TNRC6C: variants seen among roughly 807,000 people sequenced by gnomAD.
TNRC6C encodes trinucleotide repeat-containing gene 6C protein.
TNRC6C carries 20 observed loss-of-function variants against 153.7 expected under a neutral mutation model. The observed-to-expected ratio is 0.13, with a 90% confidence interval of 0.09 to 0.19. The LOEUF (loss-of-function observed/expected upper bound fraction) is 0.19, where lower values mean the gene tolerates loss of function less well. Ranked by LOEUF, TNRC6C falls within the 10% of genes least tolerant of loss-of-function variation. The probability of loss-of-function intolerance (pLI) is 1.00; values close to 1 mark genes in which losing one functional copy is unlikely to be tolerated. For missense variants in TNRC6C, 1,987 were observed against 2,172.0 expected, an observed-to-expected ratio of 0.91 and a Z score of 1.69; for synonymous variants, 811 against 841.4, an observed-to-expected ratio of 0.96 and a Z score of 0.63.
intron 1 of TNRC6C, among the ~76,000 whole-genome samples, chr17:77,974,928 T>A (rs1258839181): frequency 2.0e-5 from 3 of 152,170 alleles, no homozygotes; most frequent in African/African-American, 7.2e-5. Flanking sequence ...CCTTTTGCCA[T>A]AGGTAAATGA....
intron 13 of TNRC6C, among the ~76,000 whole-genome samples, chr17:78,088,632 CT>C (rs572549529): frequency 9.3e-4 from 132 of 142,650 alleles, no homozygotes; most frequent in African/African-American, 1.7e-3. Context: ...TTTTCTCTCT[CT>C]TTTTTTTTTT....
At chr17:78,051,670 C>G (rs955340812) in intron 3 of TNRC6C, among the ~76,000 whole-genome samples, 2 of 152,036 alleles carry the variant, frequency 1.3e-5, no homozygotes. Flanking sequence ...ATATATTAAG[C>G]ACACTCAGTA....
chr17:78,104,857 A>G lies in TNRC6C; in HGVS notation c.*12A>G. Reference sequence around the variant, plus strand: ...GGGAGTCCCTGTAGGCTCTGCCATCATCAGCACCAGGAGAGCCGACCCCTC... The same window carrying G: ...GGGAGTCCCTGTAGGCTCTGCCATCGTCAGCACCAGGAGAGCCGACCCCTC... On this transcript the variant is annotated 3_prime_UTR_variant, in exon 20 of 20. Coordinates refer to ENST00000301624, the Ensembl canonical transcript of TNRC6C. The surrounding 1 kb of genome is among the most constrained non-coding windows in gnomAD (Gnocchi z 6.2). 7.1e-7 allele frequency: 1 copy of G among 1,408,150 alleles called. No homozygotes were observed. Among genetic ancestry groups the G allele is most frequent in the Non-Finnish European group, 9.2e-7 (1 of 1,084,394 alleles). The allele number at this position is 1,408,150 out of a possible 1,614,324, so 87.2% of individuals were successfully genotyped here.
In TNRC6C at chr17:77,999,094, T is replaced by C. The variant is rs76540317; in HGVS notation, c.-37-5076T>C. On this transcript the variant is annotated intron_variant, in intron 1 of 22. Transcript: ENST00000636222. ...ATCTCACAGCCTTTGTTCTGCTGTTTTGAGTCTGCCCCATAAATGCATAAC... is the reference window on the plus strand; with the variant it reads ...ATCTCACAGCCTTTGTTCTGCTGTTCTGAGTCTGCCCCATAAATGCATAAC... Among the ~76,000 whole-genome samples, 846 of 152,324 alleles carry C rather than the reference T, an allele frequency of 5.6e-3. 6 individuals carry two copies. The highest frequency in any genetic ancestry group is 0.019 in the African/African-American group (798 of 41,560).
At chr17:77,991,118 T>C (rs1254278527) in intron 1 of TNRC6C, among the ~76,000 whole-genome samples, 2 of 152,244 alleles carry the variant, frequency 1.3e-5, no homozygotes, top group South Asian at 2.1e-4. Context: ...CTCGTTATTC[T>C]GTACAAGTGT....
chr17:78,074,998 C>T (rs566357846), intron 7 of TNRC6C, 138 bp from the exon 10 acceptor site: 12 of 1,136,020 alleles, frequency 1.1e-5, no homozygotes, highest in African/African-American at 3.1e-5. Flanking sequence ...AAAGCAAGGG[C>T]TCTCTCTGCC....
chr17:78,088,279 A>G (rs900717606), intron 13 of TNRC6C, among the ~76,000 whole-genome samples: 3 of 152,212 alleles, frequency 2.0e-5, no homozygotes, highest in African/African-American at 7.2e-5. Context: ...GTGTCGAAGT[A>G]GGTAAGACCT....
chr17:78,091,695 T>A (rs763139045), intron 14 of TNRC6C, 88 bp downstream of exon 16: 14 of 1,260,186 alleles, frequency 1.1e-5, no homozygotes, highest in Non-Finnish European at 1.4e-5. Flanking sequence ...TTCTATACTT[T>A]TCTAAGAATT....
At chr17:77,997,650 CGTT>C (rs556092447) in intron 1 of TNRC6C, among the ~76,000 whole-genome samples, 145 of 151,948 alleles carry the variant, frequency 9.5e-4, no homozygotes, top group African/African-American at 3.1e-3. Flanking sequence ...CCATTTATAA[CGTT>C]GTTTTTTTTT....
At chr17:78,008,220 A>G (rs1270354331) in intron 1 of TNRC6C, among the ~76,000 whole-genome samples, 1 of 152,210 alleles carries the variant, frequency 6.6e-6, no homozygotes, top group African/African-American at 2.4e-5. Flanking sequence ...AACTTAATAT[A>G]ATATGTAGCA....
chr17:78,051,483 A>T (rs1417495569), intron 3 of TNRC6C, 35 bp downstream of exon 5: 8 of 727,686 alleles, frequency 1.1e-5, no homozygotes, highest in South Asian at 5.2e-5. Context: ...TTACAAGTAA[A>T]AAAAAAAAAA....
chr17:78,104,880 C>T lies in TNRC6C; in HGVS notation c.*35C>T, dbSNP rs1433320379. 3.6e-6 allele frequency: 5 copies of T among 1,386,172 alleles called. No homozygotes were observed. In the South Asian group the frequency reaches 6.6e-5, roughly 18 times the overall value. 85.9% of individuals were successfully genotyped at this position (1,386,172 alleles called of 1,614,324 possible). ...TCATCAGCACCAGGAGAGCCGACCC[C>T]TCCCGGGACCCCTCCCGGCTGGGCG... On this transcript the variant is annotated 3_prime_UTR_variant, in exon 20 of 20. Transcript: ENST00000301624. This position sits in a 1 kb window ranked among gnomAD's most constrained non-coding sequence, Gnocchi z 6.2.
At chr17:78,078,766 A>T (rs995052895) in intron 9 of TNRC6C, among the ~76,000 whole-genome samples, 1 of 151,892 alleles carries the variant, frequency 6.6e-6, no homozygotes, top group East Asian at 1.9e-4. Context: ...GGAGTTTGAG[A>T]CCAGCCAGGA....
At chr17:77,977,259 T>A (rs2071014648) in intron 1 of TNRC6C, among the ~76,000 whole-genome samples, 2 of 152,216 alleles carry the variant, frequency 1.3e-5, no homozygotes, top group African/African-American at 2.4e-5. Context: ...CTTGATTAAT[T>A]GAATAAATCT....
At position 78,031,560 on chromosome 17, in the gene TNRC6C, G is replaced by A. The variant is rs778264014; in HGVS notation, c.-501G>A. The stretch of plus-strand genomic sequence containing the variant: ...CTGTTCAAGCCAGCCCCAACCTGCC[G>A]GTACCAGTACCAGTACTTCCACCAG... On this transcript the variant is annotated 5_prime_UTR_variant, in exon 2 of 20. Transcript: ENST00000301624. 24 of 1,232,184 alleles carry A rather than the reference G, an allele frequency of 1.9e-5. No individual in the cohort carries two copies. The Admixed American group carries it at 3.4e-4, about 17-fold the overall frequency. The allele number at this position is 1,232,184 out of a possible 1,614,324, so 76.3% of individuals were successfully genotyped here. A position where few individuals can be genotyped will look rare whatever the true frequency, so the allele number is the denominator to read the frequency against.
At chr17:78,061,911 C>G (rs1158315965) in intron 3 of TNRC6C, among the ~76,000 whole-genome samples, 1 of 152,104 alleles carries the variant, frequency 6.6e-6, no homozygotes, top group Admixed American at 6.5e-5. Context: ...TTAGTTTTGA[C>G]TTAATTAAAT....
chr17:78,097,716 C>G, intron 16 of TNRC6C, 29 bp from the exon 19 acceptor site: 1 of 1,502,148 alleles, frequency 6.7e-7, no homozygotes, highest in South Asian at 1.2e-5. Flanking sequence ...CCGCCACCAC[C>G]TTGCTCAGTG....
At chr17:77,966,329 G>T (rs1244085226) in intron 1 of TNRC6C, among the ~76,000 whole-genome samples, 2 of 151,844 alleles carry the variant, frequency 1.3e-5, no homozygotes, top group Non-Finnish European at 2.9e-5. Flanking sequence ...TGTTGGATTA[G>T]AATCTTCCTT....
At chr17:78,007,332 CAG>C (rs2071538841) in intron 1 of TNRC6C, among the ~76,000 whole-genome samples, 1 of 152,208 alleles carries the variant, frequency 6.6e-6, no homozygotes, top group Admixed American at 6.5e-5. Flanking sequence ...AATAATCTAA[CAG>C]TACTGCTAGG....
Sources: gnomAD v4.1 joint callset for allele counts (sites outside exome capture counted in the v4.1 genomes callset) on GRCh38, gnomAD v4.1.1 for gene constraint, Gnocchi (gnomAD v3.1) non-coding constraint, MANE v1.5 for transcripts, NCBI Gene and HGNC (gene_info 2026-07-23, HGNC 2026-07-21) for gene names.